The following AVEN variants were observed in gnomAD, a reference collection of about 807,000 sequenced individuals.
The protein encoded by AVEN is cell death regulator Aven.
Under a neutral mutation model 38.1 loss-of-function variants are expected in AVEN, and 41 were observed. The observed-to-expected ratio is 1.08, with a 90% CI of 0.84 to 1.40. The LOEUF is 1.40. Among genes scored for constraint, AVEN ranks in the 40% most tolerant of loss-of-function variants. AVEN has a pLI of 0.00. For synonymous variants in AVEN, 206 were observed against 171.8 expected (o/e 1.20, Z -1.56); for missense variants, 605 against 438.8 (o/e 1.38, Z -3.38).
chr15:33,867,940 C>T (rs1024467997), intron 4 of AVEN, 85 bp from the exon 5 acceptor site: 2 of 1,475,088 alleles, frequency 1.4e-6, no homozygotes, highest in Middle Eastern at 2.1e-4. Flanking sequence ...TAAACGAAGC[C>T]ATCAAACTTT....
At chr15:33,948,046 T>C (rs1334404056) in intron 2 of AVEN, among the ~76,000 whole-genome samples, 1 of 152,112 alleles carries the variant, frequency 6.6e-6, no homozygotes, top group African/African-American at 2.4e-5. Flanking sequence ...ACATGCTATC[T>C]CTGAAAACAT....
intron 5 of AVEN, among the ~76,000 whole-genome samples, chr15:34,050,752 G>A (rs1899900885): frequency 6.6e-6 from 1 of 152,172 alleles, no homozygotes; most frequent in African/African-American, 2.4e-5. Context: ...AAAAGAGAAA[G>A]AAGGGCATTA....
intron 2 of AVEN, among the ~76,000 whole-genome samples, chr15:33,937,278 T>C (rs1010548881): frequency 3.3e-5 from 5 of 151,900 alleles, no homozygotes; most frequent in Admixed American, 6.6e-5. Flanking sequence ...CTCACGCCTG[T>C]AATCCCAGCA....
At chr15:33,922,294 A>G (rs1893425936) in intron 2 of AVEN, among the ~76,000 whole-genome samples, 1 of 152,182 alleles carries the variant, frequency 6.6e-6, no homozygotes, top group Admixed American at 6.5e-5. Flanking sequence ...CTGGGCCCAC[A>G]GCATCCTAGT....
intron 5 of AVEN, among the ~76,000 whole-genome samples, chr15:34,060,902 G>A (rs935779797): frequency 2.6e-5 from 4 of 151,942 alleles, no homozygotes; most frequent in Non-Finnish European, 4.4e-5. Flanking sequence ...TGTAGTCCCA[G>A]CTACTGGGGA....
chr15:34,017,494 T>TG (rs1897978757), intron 1 of AVEN, among the ~76,000 whole-genome samples: 9 of 102,938 alleles, frequency 8.7e-5, no homozygotes, highest in East Asian at 4.6e-4. Context: ...GTTTTTTTTT[T>TG]TTTTTTGAGA....
chr15:34,064,152 T>G, intron 4 of AVEN: 3 of 1,614,238 alleles, frequency 1.9e-6, no homozygotes, highest in Non-Finnish European at 2.5e-6. Context: ...CCTGTGGCAC[T>G]TGGGCTATTG....
At chr15:34,005,284 A>C (rs1897294932) in intron 1 of AVEN, among the ~76,000 whole-genome samples, 1 of 152,158 alleles carries the variant, frequency 6.6e-6, no homozygotes, top group African/African-American at 2.4e-5. Context: ...GGTTTTTCCA[A>C]GACAGTATCC....
upstream of AVEN, chr15:34,039,252 A>C (rs1899352013): frequency 1.3e-5 from 3 of 227,166 alleles, no homozygotes; most frequent in Non-Finnish European, 2.2e-5. Context: ...TGGGGCCGGA[A>C]CCGGGACCGC....
At chr15:33,952,569 G>A (rs1385311249) in intron 2 of AVEN, among the ~76,000 whole-genome samples, 6 of 152,112 alleles carry the variant, frequency 3.9e-5, no homozygotes, top group African/African-American at 4.8e-5. Context: ...TAATGAAAGA[G>A]TATTACGTCT....
intron 2 of AVEN, among the ~76,000 whole-genome samples, chr15:33,910,592 T>C (rs1892881276): frequency 6.6e-6 from 1 of 152,194 alleles, no homozygotes; most frequent in African/African-American, 2.4e-5. Context: ...CTCTAGGATC[T>C]TAAAAAGTGA....
At chr15:33,932,931 GAAAT>G (rs1359891907) in intron 2 of AVEN, among the ~76,000 whole-genome samples, 1 of 152,160 alleles carries the variant, frequency 6.6e-6, no homozygotes, top group Non-Finnish European at 1.5e-5. Context: ...ATTTTTAGAT[GAAAT>G]AAATAATAGA....
At chr15:33,910,817 G>A (rs556437414) in intron 2 of AVEN, among the ~76,000 whole-genome samples, 1 of 152,232 alleles carries the variant, frequency 6.6e-6, no homozygotes, top group South Asian at 2.1e-4. Context: ...AGCTCCCAAC[G>A]GAGAGTTAAG....
At position 33,866,462 on chromosome 15, in the gene AVEN, A is replaced by G. The variant is rs1890514576; in HGVS notation, c.*151T>C. ...CTTCAATGTATTCTTTCAGATGTCA[A>G]ACACAGAGGTAGGCATTTACTGCTG... On this transcript the variant is annotated 3_prime_UTR_variant, in exon 6 of 6. Transcript: ENST00000306730. The G allele has an allele frequency of 1.6e-6, 1 of 609,546 alleles. No individual in the cohort carries two copies. Among genetic ancestry groups the G allele is most frequent in the Non-Finnish European group, 2.9e-6 (1 of 342,454 alleles). 37.8% of individuals were successfully genotyped at this position (609,546 alleles called of 1,614,324 possible). A position where few individuals can be genotyped will look rare whatever the true frequency, so the allele number is the denominator to read the frequency against.
intron 2 of AVEN, among the ~76,000 whole-genome samples, chr15:33,936,219 G>T (rs1164261659): frequency 6.6e-6 from 1 of 151,600 alleles, no homozygotes; most frequent in African/African-American, 2.4e-5. Context: ...ATCAGTAGTA[G>T]AAAGGGAGAA....
In AVEN at chr15:33,912,888, A is replaced by AT. The variant is rs34666691; in HGVS notation, c.446-36894dup. On this transcript the variant is annotated intron_variant, in intron 2 of 5. Coordinates refer to ENST00000306730, the MANE Select transcript of AVEN (RefSeq NM_020371.3). Reference sequence around the variant, plus strand: ...TAAAGATTATCATGTAAAAGGCATAATTTTTTTTTTTTTTTTTTGAGACAG... The same window carrying AT: ...TAAAGATTATCATGTAAAAGGCATAATTTTTTTTTTTTTTTTTTTGAGACAG... 2.6e-3 allele frequency among the ~76,000 whole-genome samples: 369 copies of AT among 144,498 alleles called. 1 individual carries two copies. The highest frequency in any genetic ancestry group is 6.6e-3 in the East Asian group (33 of 4,972). 94.8% of individuals were successfully genotyped at this position (144,498 alleles called of 152,430 possible).
At chr15:33,890,810 A>T (rs1191257808) in intron 2 of AVEN, among the ~76,000 whole-genome samples, 1 of 152,192 alleles carries the variant, frequency 6.6e-6, no homozygotes, top group Non-Finnish European at 1.5e-5. Context: ...TATGAACATG[A>T]CCATTACAAA....
At chr15:33,932,864 A>AATAAATAAATAAATAT (rs1220351575) in intron 2 of AVEN, among the ~76,000 whole-genome samples, 4 of 151,982 alleles carry the variant, frequency 2.6e-5, no homozygotes, top group African/African-American at 4.8e-5. Flanking sequence ...TAAATAAATA[A>AATAAATAAATAAATAT]AAATTGTAGA....
chr15:34,015,870 C>T (rs747065216), intron 1 of AVEN, among the ~76,000 whole-genome samples: 14 of 152,174 alleles, frequency 9.2e-5, no homozygotes, highest in Middle Eastern at 3.2e-3. Context: ...AATTACCATT[C>T]GTTAGCAGAA....
Sources: allele counts gnomAD v4.1 joint callset (sites outside exome capture counted in the v4.1 genomes callset), GRCh38; gene constraint gnomAD v4.1.1; transcripts MANE v1.5; gene names NCBI Gene and HGNC (gene_info 2026-07-23, HGNC 2026-07-21).